C9: variants seen among roughly 807,000 people sequenced by gnomAD.
C9 encodes the protein complement component C9.
A neutral mutation model predicts 65.4 loss-of-function variants in C9; 63 were observed. The ratio of observed to expected loss-of-function variants is 0.96; its 90% confidence interval spans 0.79 to 1.19. The LOEUF (loss-of-function observed/expected upper bound fraction) is 1.19, where lower values mean the gene tolerates loss of function less well. Among genes scored for constraint, C9 ranks in the 50% most tolerant of loss-of-function variants. The pLI, the probability that C9 is intolerant of heterozygous loss-of-function variation, is 0.00. For missense variants in C9, 744 were observed against 670.1 expected (o/e 1.11, Z -1.22); for synonymous variants, 229 against 227.9 (o/e 1.00, Z -0.04).
At chr5:39,317,424 G>A (rs557590920) in intron 5 of C9, among the ~76,000 whole-genome samples, 2 of 152,224 alleles carry the variant, frequency 1.3e-5, no homozygotes, top group East Asian at 3.9e-4. Context: ...GCCCATGCCT[G>A]TGTCCTGAAT....
chr5:39,299,096 C>A, intron 9 of C9, among the ~76,000 whole-genome samples: 1 of 151,480 alleles, frequency 6.6e-6, no homozygotes, highest in East Asian at 1.9e-4. Context: ...CTTAATGGTG[C>A]AATATTATAT....
At chr5:39,321,576 C>T (rs1753668494) in intron 5 of C9, among the ~76,000 whole-genome samples, 1 of 151,892 alleles carries the variant, frequency 6.6e-6, no homozygotes, top group African/African-American at 2.4e-5. Context: ...TCCTTACCTA[C>T]CGATAATTAT....
chr5:39,306,179 A>G (rs2111875193), intron 9 of C9, among the ~76,000 whole-genome samples: 1 of 152,014 alleles, frequency 6.6e-6, no homozygotes, highest in African/African-American at 2.4e-5. Context: ...AAAAAAAAAA[A>G]AAAAGACACT....
At chr5:39,296,763 C>A (rs1753192457) in intron 9 of C9, among the ~76,000 whole-genome samples, 1 of 150,934 alleles carries the variant, frequency 6.6e-6, no homozygotes, top group African/African-American at 2.4e-5. Flanking sequence ...TAAAAAAGAA[C>A]AAAATCTTGT....
At chr5:39,308,110 G>T in intron 8 of C9, 120 bp downstream of exon 8, 1 of 942,488 alleles carries the variant, frequency 1.1e-6, no homozygotes, top group Non-Finnish European at 1.7e-6. Context: ...CGCTTTAAAT[G>T]TAAGATAGTT....
At chr5:39,314,313 G>A (rs1306487203) in intron 6 of C9, among the ~76,000 whole-genome samples, 2 of 152,024 alleles carry the variant, frequency 1.3e-5, no homozygotes, top group Non-Finnish European at 2.9e-5. Flanking sequence ...GCCAGGCGTG[G>A]TGGTGCATGC....
In C9 at chr5:39,351,299, G is replaced by C. The variant is rs1015185461; in HGVS notation, c.78-9103C>G. On this transcript the variant is annotated intron_variant, in intron 1 of 10. Transcript: ENST00000263408. ...TGTGATGGAAGGGGCTACCACAAAGGTCTCTGAAATGCCCTGGAGGCATTT... is the reference window on the plus strand; with the variant it reads ...TGTGATGGAAGGGGCTACCACAAAGCTCTCTGAAATGCCCTGGAGGCATTT... Among the ~76,000 whole-genome samples the C allele has an allele frequency of 2.0e-5, 3 of 152,280 alleles. No homozygotes were observed. The South Asian group carries it at 6.2e-4, about 32-fold the overall frequency.
At chr5:39,345,222 A>G (rs928124554) in intron 1 of C9, among the ~76,000 whole-genome samples, 3 of 152,208 alleles carry the variant, frequency 2.0e-5, no homozygotes, top group African/African-American at 7.2e-5. Flanking sequence ...AAAGACACAG[A>G]CTGGCAAATT....
At chr5:39,325,313 TG>T (rs1489888557) in intron 5 of C9, among the ~76,000 whole-genome samples, 1 of 152,152 alleles carries the variant, frequency 6.6e-6, no homozygotes, top group African/African-American at 2.4e-5. Flanking sequence ...CATTAAGTTT[TG>T]GGGTAATATG....
chr5:39,357,768 G>T (rs188040189), intron 1 of C9, among the ~76,000 whole-genome samples: 1 of 152,256 alleles, frequency 6.6e-6, no homozygotes, highest in Admixed American at 6.5e-5. Flanking sequence ...ATCAAAAGTA[G>T]GGTTTATGTG....
intron 6 of C9, among the ~76,000 whole-genome samples, chr5:39,314,220 C>G (rs752095579): frequency 1.3e-5 from 2 of 152,008 alleles, no homozygotes; most frequent in African/African-American, 4.8e-5. Context: ...GAGGCCGAGA[C>G]GGGTGGATCA....
chr5:39,352,327 C>G (rs1754337974), intron 1 of C9, among the ~76,000 whole-genome samples: 1 of 152,158 alleles, frequency 6.6e-6, no homozygotes, highest in Admixed American at 6.5e-5. Context: ...AGAGATAAGT[C>G]AGCAGCCCAG....
At position 39,331,820 on chromosome 5, in the gene C9, A is replaced by G. The variant is rs2111929862; in HGVS notation, c.477-6T>C. 1 of 1,612,934 alleles carries G rather than the reference A, an allele frequency of 6.2e-7. No homozygotes were observed. Among genetic ancestry groups the G allele is most frequent in the Non-Finnish European group, 8.5e-7 (1 of 1,178,890 alleles). On this transcript the variant is annotated splice_polypyrimidine_tract_variant and splice_region_variant and intron_variant, in intron 4 of 10. Transcript: ENST00000263408. ...CCATCCCTAAAATGTTGATCCTGAG[A>G]ATGAACAGAGTAGTATCAGAAGTGG...
At chr5:39,344,615 A>G (rs1754154703) in intron 1 of C9, among the ~76,000 whole-genome samples, 1 of 152,240 alleles carries the variant, frequency 6.6e-6, no homozygotes, top group African/African-American at 2.4e-5. Flanking sequence ...ATTATCCAGG[A>G]GAACTTCCCC....
rs746131219 is a variant in C9, at chr5:39,308,307, G to A, written c.1163C>T (p.Ser388Phe). Residue 388 changes from serine (S) to phenylalanine (F), a missense_variant, in exon 8 of 11, where the codon TCT becomes TTT. Coordinates refer to ENST00000263408, the MANE Select transcript of C9 (RefSeq NM_001737.5). ...KRCLGYHLDVSLAFSEISVGA... is the reference protein window; with the variant it reads ...KRCLGYHLDVFLAFSEISVGA... ...AACAGAGATTTCAGAGAAAGCCAGA[G>A]ATACATCCAGATGATACCCAAGGCA... The A allele has an allele frequency of 1.2e-6, 2 of 1,605,126 alleles. No homozygotes were observed. Among genetic ancestry groups the A allele is most frequent in the South Asian group, 1.1e-5 (1 of 90,892 alleles).
Position 39,338,028 on chromosome 5 carries a change from G to A in C9, c.476+3118C>T, listed in dbSNP as rs149792751. ...ACCTCTATTTCACAAAGAATCCACA[G>A]CTCCATATAAGAATACTGGAGGTTT... On this transcript the variant is annotated intron_variant, in intron 4 of 10. Transcript: ENST00000263408. 6.6e-3 allele frequency among the ~76,000 whole-genome samples: 1,005 copies of A among 152,268 alleles called. 10 individuals are homozygous for A. The highest frequency in any genetic ancestry group is 0.023 in the African/African-American group (948 of 41,542).
chr5:39,319,967 A>G (rs1034914504), intron 5 of C9, among the ~76,000 whole-genome samples: 2 of 152,196 alleles, frequency 1.3e-5, no homozygotes, highest in Non-Finnish European at 2.9e-5. Flanking sequence ...CTGCTTGTGG[A>G]CCATGCCAGA....
chr5:39,318,557 CTT>C (rs5867455), intron 5 of C9, among the ~76,000 whole-genome samples: 15 of 143,076 alleles, frequency 1.0e-4, no homozygotes, highest in East Asian at 2.0e-4. Flanking sequence ...TCAATTAGAA[CTT>C]TTTTTTTTTT....
rs1409472043 is a variant in C9, at chr5:39,340,372, T to TAGCAACAAACCCACCTTTACCAAAAAC, written c.476+773_476+774insGTTTTTGGTAAAGGTGGGTTTGTTGCT. ...CCAACAAATCCACCTTTACCAAAAA[T>TAGCAACAAACCCACCTTTACCAAAAAC]AGCAACAAATCCACCTTTACCAAAA... On this transcript the variant is annotated intron_variant, in intron 4 of 10. Transcript: ENST00000263408. Among the ~76,000 whole-genome samples, 445 of 152,252 alleles carry TAGCAACAAACCCACCTTTACCAAAAAC rather than the reference T, an allele frequency of 2.9e-3. 1 individual carries two copies. The highest frequency in any genetic ancestry group is 2.9e-3 in the Non-Finnish European group (196 of 68,008).
Sources: allele counts gnomAD v4.1 joint callset (sites outside exome capture counted in the v4.1 genomes callset), GRCh38; gene constraint gnomAD v4.1.1; transcripts MANE v1.5; gene names NCBI Gene and HGNC (gene_info 2026-07-23, HGNC 2026-07-21).